The following SNX29 variants were observed in gnomAD, a reference collection of about 807,000 sequenced individuals.
SNX29 encodes sorting nexin-29.
SNX29 carries 78 observed loss-of-function variants against 102.1 expected under a neutral mutation model. The ratio of observed to expected loss-of-function variants is 0.76; its 90% CI spans 0.64 to 0.92. The LOEUF (loss-of-function observed/expected upper bound fraction) is 0.92, where lower values mean the gene tolerates loss of function less well. SNX29 is among the 40% of genes least tolerant of loss of function. The pLI, the probability that SNX29 is intolerant of heterozygous loss-of-function variation, is 0.00. For synonymous variants in SNX29, 580 were observed against 414.5 expected (o/e 1.40, Z -4.85); for missense variants, 1,280 against 1,061.7 (o/e 1.21, Z -2.86).
intron 15 of SNX29, among the ~76,000 whole-genome samples, chr16:12,326,775 A>G (rs2081133453): frequency 6.6e-6 from 1 of 152,010 alleles, no homozygotes; most frequent in South Asian, 2.1e-4. Flanking sequence ...AGCTTGTGGT[A>G]CTGTGGTGCA....
intron 15 of SNX29, among the ~76,000 whole-genome samples, chr16:12,334,258 T>A (rs912262373): frequency 6.6e-6 from 1 of 152,166 alleles, no homozygotes; most frequent in African/African-American, 2.4e-5. Flanking sequence ...GCCAAGGAAC[T>A]CGCTTAGCTT....
chr16:12,403,748 C>G (rs35980136), intron 18 of SNX29, among the ~76,000 whole-genome samples: 67,113 of 152,122 alleles, frequency 0.44, 16,677 homozygotes, highest in Non-Finnish European at 0.56. Context: ...CAGTCAGGCT[C>G]TTAGTGTGGC....
chr16:12,371,623 G>A (rs370662819), intron 16 of SNX29, among the ~76,000 whole-genome samples: 20 of 152,202 alleles, frequency 1.3e-4, no homozygotes, highest in African/African-American at 4.6e-4. Context: ...ATTTCTGTTC[G>A]GGGAGAGTGG....
intron 14 of SNX29, among the ~76,000 whole-genome samples, chr16:12,221,690 G>A (rs1306923236): frequency 6.6e-6 from 1 of 152,194 alleles, no homozygotes; most frequent in African/African-American, 2.4e-5. Flanking sequence ...GTTTAACTTT[G>A]GTGGCTTTGT....
intron 20 of SNX29, among the ~76,000 whole-genome samples, chr16:12,565,472 C>T (rs941272994): frequency 2.0e-5 from 3 of 152,172 alleles, no homozygotes; most frequent in East Asian, 1.9e-4. Context: ...TCTCTCAAAC[C>T]ATCACAGCAC....
chr16:12,185,866 C>T (rs1265549252), intron 13 of SNX29, among the ~76,000 whole-genome samples: 1 of 152,204 alleles, frequency 6.6e-6, no homozygotes, highest in Non-Finnish European at 1.5e-5. Flanking sequence ...AGGTCAGATG[C>T]TCAGATGCAA....
intron 16 of SNX29, among the ~76,000 whole-genome samples, chr16:12,368,812 G>A (rs747428700): frequency 4.6e-5 from 7 of 152,306 alleles, no homozygotes; most frequent in African/African-American, 7.2e-5. Context: ...GACAGGCAGC[G>A]GCCACCAGGA....
intron 11 of SNX29, among the ~76,000 whole-genome samples, chr16:12,107,493 C>G (rs1215159738): frequency 6.6e-6 from 1 of 151,928 alleles, no homozygotes; most frequent in Non-Finnish European, 1.5e-5. Context: ...ATGCCGAAAC[C>G]CCGTCTCTAC....
chr16:12,389,386 C>G (rs2083446128), intron 16 of SNX29, among the ~76,000 whole-genome samples: 2 of 152,138 alleles, frequency 1.3e-5, no homozygotes, highest in East Asian at 1.9e-4. Context: ...CCATACTGTT[C>G]TCATGGTAGT....
At chr16:12,145,655 G>A (rs896668314) in intron 13 of SNX29, among the ~76,000 whole-genome samples, 4 of 152,266 alleles carry the variant, frequency 2.6e-5, no homozygotes, top group African/African-American at 9.6e-5. Context: ...ATGCATATAT[G>A]TATTTTATAT....
intron 20 of SNX29, among the ~76,000 whole-genome samples, chr16:12,541,196 G>A (rs1320816806): frequency 6.6e-6 from 1 of 152,136 alleles, no homozygotes; most frequent in Non-Finnish European, 1.5e-5. Context: ...CTATCCTGAA[G>A]TATTATGGAA....
chr16:12,451,376 G>A (rs2086292709), intron 18 of SNX29, among the ~76,000 whole-genome samples: 1 of 152,230 alleles, frequency 6.6e-6, no homozygotes, highest in Non-Finnish European at 1.5e-5. Flanking sequence ...AATCCATGGA[G>A]CTGGGAGTAT....
At chr16:12,194,914 A>C (rs1212232563) in intron 13 of SNX29, among the ~76,000 whole-genome samples, 11 of 152,218 alleles carry the variant, frequency 7.2e-5, no homozygotes, top group Admixed American at 7.2e-4. Context: ...GGCATGAGCC[A>C]CTGCATCTGG....
At chr16:12,097,522 C>T (rs350233) in intron 11 of SNX29, among the ~76,000 whole-genome samples, 1 of 150,664 alleles carries the variant, frequency 6.6e-6, no homozygotes, top group Admixed American at 6.6e-5. Flanking sequence ...TTTCTGTGCT[C>T]TTGGTTTGGG....
At chr16:12,526,963 CAG>C in intron 20 of SNX29, 1 of 402,852 alleles carries the variant, frequency 2.5e-6, no homozygotes, top group Non-Finnish European at 4.7e-6. Context: ...GCACGCAGAA[CAG>C]AACACAGGGT....
At chr16:12,553,465 C>G (rs1349880501) in intron 20 of SNX29, among the ~76,000 whole-genome samples, 1 of 152,148 alleles carries the variant, frequency 6.6e-6, no homozygotes, top group Non-Finnish European at 1.5e-5. Context: ...CCAGCTCAGA[C>G]CAGCCCCAGC....
chr16:12,348,326 C>A (rs116771382), intron 15 of SNX29, among the ~76,000 whole-genome samples: 2,128 of 152,280 alleles, frequency 0.014, 26 homozygotes, highest in Admixed American at 0.024. Context: ...GAAGGCTTAC[C>A]CTAGCTGCTG....
Position 12,545,830 on chromosome 16 carries a change from G to A in SNX29, c.2318+20989G>A, listed in dbSNP as rs562524290. Among the ~76,000 whole-genome samples the A allele has an allele frequency of 5.9e-5, 9 of 152,220 alleles. No homozygotes were observed. In the South Asian group the frequency reaches 1.5e-3, roughly 25 times the overall value. ...CTCCCTACTGACTCTCCAGACCTGT[G>A]GGGGAGGGGAGCAGATCACCTCTCC... On this transcript the variant is annotated intron_variant, in intron 20 of 20. Transcript: ENST00000566228.
chr16:12,572,107 T>A lies in SNX29; in HGVS notation c.*3478T>A, dbSNP rs17822411. 289,781 of 1,051,242 alleles carry A rather than the reference T, an allele frequency of 0.28. 43,009 individuals carry two copies. Among genetic ancestry groups the A allele is most frequent in the Non-Finnish European group, 0.3 (262,243 of 867,020 alleles). The allele number at this position is 1,051,242 out of a possible 1,614,324, so 65.1% of individuals were successfully genotyped here. A position where few individuals can be genotyped will look rare whatever the true frequency, so the allele number is the denominator to read the frequency against. The stretch of plus-strand genomic sequence containing the variant: ...GAAGGGGAGGGATGTGGACTGGGTC[T>A]GATCACAGCCCTTGGCCCTGCTTCA... On this transcript the variant is annotated 3_prime_UTR_variant, in exon 21 of 21. Coordinates refer to ENST00000566228, the MANE Select transcript of SNX29 (RefSeq NM_032167.5).
Sources: gnomAD v4.1 joint callset for allele counts (sites outside exome capture counted in the v4.1 genomes callset) on GRCh38, gnomAD v4.1.1 for gene constraint, MANE v1.5 for transcripts, NCBI Gene and HGNC (gene_info 2026-07-23, HGNC 2026-07-21) for gene names.